The following PHF20 variants were observed in gnomAD, a reference collection of about 807,000 sequenced individuals.
PHF20 encodes glioma-expressed antigen 2.
Under a neutral mutation model 113.5 loss-of-function variants are expected in PHF20, and 23 were observed. That is an observed-to-expected ratio of 0.20 (90% CI 0.15 to 0.29). The LOEUF is 0.29. Among genes scored for constraint, PHF20 ranks in the 10% least tolerant of loss-of-function variants. The pLI is 1.00. For synonymous variants in PHF20, 434 were observed against 457.3 expected, an observed-to-expected ratio of 0.95 and a Z score of 0.65; for missense variants, 943 against 1,219.6, an observed-to-expected ratio of 0.77 and a Z score of 3.38.
intron 4 of PHF20, among the ~76,000 whole-genome samples, chr20:35,848,912 A>G (rs1236328067): frequency 1.3e-5 from 2 of 151,918 alleles, no homozygotes; most frequent in Non-Finnish European, 2.9e-5. Flanking sequence ...AGCTAAAATT[A>G]TAGGAGGGAG....
At chr20:35,877,984 A>C (rs1335853010) in intron 9 of PHF20, among the ~76,000 whole-genome samples, 1 of 152,244 alleles carries the variant, frequency 6.6e-6, no homozygotes, top group Non-Finnish European at 1.5e-5. Flanking sequence ...CATGATGACT[A>C]TAATAGTTTT....
chr20:35,888,920 T>C (rs2147032184), intron 9 of PHF20, among the ~76,000 whole-genome samples: 1 of 151,936 alleles, frequency 6.6e-6, no homozygotes, highest in South Asian at 2.1e-4. Context: ...TGTCCTCCCA[T>C]AGGGGAATAC....
At position 35,871,758 on chromosome 20, in the gene PHF20, T is replaced by C. The variant is rs1239031092; in HGVS notation, c.1211T>C (p.Met404Thr). The change falls in exon 9 of 18, where the codon ATG (methionine) becomes ACG (threonine). Residue 404 changes from methionine (M) to threonine (T), a missense_variant. Transcript: ENST00000374012. ...GGCTTGGAGTTGAACTGCCCATCAA[T>C]GGGAGAAAACACGATGAAAACAGAA... Reference protein sequence around the residue: ...AAGLELNCPSMGENTMKTEPT... With the variant: ...AAGLELNCPSTGENTMKTEPT... 8 of 1,613,784 alleles carry C rather than the reference T, an allele frequency of 5.0e-6. No homozygotes were observed. In the Admixed American group the frequency reaches 8.3e-5, roughly 17 times the overall value.
At chr20:35,897,679 G>A (rs1006446199) in intron 9 of PHF20, among the ~76,000 whole-genome samples, 4 of 146,628 alleles carry the variant, frequency 2.7e-5, no homozygotes, top group African/African-American at 1.0e-4. Context: ...CCATTCTCCT[G>A]TTTCAGCCTT....
chr20:35,815,315 T>C (rs1053458095), intron 2 of PHF20, among the ~76,000 whole-genome samples: 2 of 150,020 alleles, frequency 1.3e-5, no homozygotes, highest in Admixed American at 6.6e-5. Flanking sequence ...CGGTGACTCA[T>C]GCTTGTAATC....
intron 2 of PHF20, among the ~76,000 whole-genome samples, chr20:35,819,075 C>A (rs575569996): frequency 6.6e-6 from 1 of 152,206 alleles, no homozygotes; most frequent in East Asian, 1.9e-4. Context: ...GGATTACAGG[C>A]ATGCACCACC....
At chr20:35,871,501 A>G in intron 8 of PHF20, 149 bp from the exon 9 acceptor site, 1 of 627,704 alleles carries the variant, frequency 1.6e-6, no homozygotes. Flanking sequence ...GCCAGCCTGT[A>G]TGTATGGGAA....
intron 2 of PHF20, among the ~76,000 whole-genome samples, chr20:35,802,791 T>C (rs2041804704): frequency 6.7e-6 from 1 of 149,690 alleles, no homozygotes; most frequent in Admixed American, 6.7e-5. Context: ...TACAAAAAAT[T>C]AGCCGGGCAT....
intron 3 of PHF20, 62 bp from the exon 4 acceptor site, chr20:35,847,288 C>A: frequency 9.1e-7 from 1 of 1,095,888 alleles, no homozygotes; most frequent in Non-Finnish European, 1.4e-6. Flanking sequence ...TCTGGTATGT[C>A]CTGTATGTCC....
At chr20:35,874,034 C>T (rs756238947) in intron 9 of PHF20, among the ~76,000 whole-genome samples, 11 of 152,226 alleles carry the variant, frequency 7.2e-5, no homozygotes, top group Non-Finnish European at 1.0e-4. Context: ...TGCAATGGCA[C>T]GATCTTGGCT....
chr20:35,933,105 C>CT (rs112208395), intron 15 of PHF20, among the ~76,000 whole-genome samples: 211 of 144,272 alleles, frequency 1.5e-3, no homozygotes, highest in Middle Eastern at 3.5e-3. Flanking sequence ...CTAAATATTC[C>CT]TTTTTTTTTT....
chr20:35,904,277 ATT>A (rs34412788), intron 10 of PHF20, among the ~76,000 whole-genome samples: 6,121 of 98,378 alleles, frequency 0.062, 127 homozygotes, highest in South Asian at 0.17. Flanking sequence ...GAATGCTCTG[ATT>A]TTTTTTTTTT....
chr20:35,926,276 G>T (rs2055631692), intron 13 of PHF20, among the ~76,000 whole-genome samples: 1 of 124,834 alleles, frequency 8.0e-6, no homozygotes, highest in Non-Finnish European at 1.6e-5. Context: ...CTCGCTCTGT[G>T]GCCCAGGTGG....
At chr20:35,927,569 T>C (rs189046101) in intron 13 of PHF20, among the ~76,000 whole-genome samples, 7 of 152,288 alleles carry the variant, frequency 4.6e-5, no homozygotes, top group East Asian at 3.9e-4. Flanking sequence ...TTAATTTCAA[T>C]GTAGAGCCAC....
In PHF20 at chr20:35,816,575, A is replaced by G. The variant is rs564287610; in HGVS notation, c.83+14970A>G. 1.2e-4 allele frequency among the ~76,000 whole-genome samples: 18 copies of G among 150,340 alleles called. No homozygotes were observed. In the East Asian group the frequency reaches 2.4e-3, roughly 20 times the overall value. ...AGCGATTCTCCAGCCTCAGCCTCCCATGTAGCTGGGAATACAGGTGCCTGC... is the reference window on the plus strand; with the variant it reads ...AGCGATTCTCCAGCCTCAGCCTCCCGTGTAGCTGGGAATACAGGTGCCTGC... On this transcript the variant is annotated intron_variant, in intron 2 of 17. Coordinates refer to ENST00000374012, the MANE Select transcript of PHF20 (RefSeq NM_016436.5).
Position 35,940,890 on chromosome 20 carries a change from C to T in PHF20, c.2739C>T (p.Ala913=). The T allele has an allele frequency of 6.2e-7, 1 of 1,613,772 alleles. No individual in the cohort carries two copies. The highest frequency in any genetic ancestry group is 8.5e-7 in the Non-Finnish European group (1 of 1,179,858). The part of the protein sequence containing the change: ...PKVKEYVSKK[A]LPEEAPARKL... ...TGAAGGAATATGTCTCCAAAAAGGC[C>T]CTACCAGAAGAAGCCCCTGCTCGGA... The change falls in exon 17 of 18, where the codon GCC becomes GCT. Residue 913 remains alanine, a synonymous_variant. Coordinates refer to ENST00000374012, the MANE Select transcript of PHF20 (RefSeq NM_016436.5).
intron 9 of PHF20, among the ~76,000 whole-genome samples, chr20:35,876,416 C>G (rs2054522117): frequency 6.6e-6 from 1 of 150,984 alleles, no homozygotes; most frequent in Non-Finnish European, 1.5e-5. Context: ...ACCAAAAATA[C>G]AAAAATTAGC....
intron 13 of PHF20, 132 bp from the exon 14 acceptor site, chr20:35,927,648 A>G (rs2055667990): frequency 1.4e-6 from 1 of 706,758 alleles, no homozygotes; most frequent in Non-Finnish European, 2.6e-6. Context: ...GTTCCACGTT[A>G]GTCAGGAGGG....
chr20:35,929,727 G>C (rs538842313), intron 14 of PHF20, among the ~76,000 whole-genome samples: 1 of 152,258 alleles, frequency 6.6e-6, no homozygotes, highest in African/African-American at 2.4e-5. Flanking sequence ...GAACTTCTAC[G>C]ACTTTAATCG....
Sources: allele counts gnomAD v4.1 joint callset (sites outside exome capture counted in the v4.1 genomes callset), GRCh38; gene constraint gnomAD v4.1.1; transcripts MANE v1.5; gene names NCBI Gene and HGNC (gene_info 2026-07-23, HGNC 2026-07-21).